Variants in LRRC75A observed in about 807,000 individuals in gnomAD.
The protein encoded by LRRC75A is leucine-rich repeat-containing protein 75A.
A neutral mutation model predicts 26.0 loss-of-function variants in LRRC75A; 12 were observed. That is an observed-to-expected ratio of 0.46 (90% CI 0.30 to 0.75). The LOEUF (loss-of-function observed/expected upper bound fraction) is 0.75. LRRC75A is among the 30% of genes least tolerant of loss of function. The probability of loss-of-function intolerance (pLI) is 0.08; values close to 1 mark genes in which losing one functional copy is unlikely to be tolerated. For synonymous variants in LRRC75A, 223 were observed against 219.3 expected, an observed-to-expected ratio of 1.02 and a Z score of -0.15; for missense variants, 410 against 486.6, an observed-to-expected ratio of 0.84 and a Z score of 1.48.
intron 1 of LRRC75A, among the ~76,000 whole-genome samples, chr17:16,476,995 C>T (rs926085116): frequency 1.3e-5 from 2 of 151,658 alleles, no homozygotes; most frequent in Non-Finnish European, 2.9e-5. Flanking sequence ...GCCTTGGCCT[C>T]CCAAAGTGCT....
chr17:16,474,318 A>T (rs2143362402), intron 1 of LRRC75A, among the ~76,000 whole-genome samples: 1 of 152,354 alleles, frequency 6.6e-6, no homozygotes, highest in Non-Finnish European at 1.5e-5. Flanking sequence ...AGGGACTTGG[A>T]CCAAATAGGT....
At position 16,443,612 on chromosome 17, in the gene LRRC75A, C is replaced by G. The variant is rs1349362782; in HGVS notation, c.1011G>C (p.Glu337Asp). 1 of 1,537,216 alleles carries G rather than the reference C, an allele frequency of 6.5e-7. No homozygotes were observed. The highest frequency in any genetic ancestry group is 2.0e-5 in the Admixed American group (1 of 50,546). Residue 337 changes from glutamate to aspartate, a missense_variant, in exon 4 of 4, where the codon GAG becomes GAC. Transcript: ENST00000470794. ...APAEDHHEGK[E>D]TVAAAQT ...GTCACGTCTGAGCTGCAGCTACAGT[C>G]TCCTTGCCCTCATGGTGGTCTTCGG...
rs771329081 is a variant in LRRC75A at position 16,444,169 on chromosome 17, G to C, written c.492-38C>G. On this transcript the variant is annotated intron_variant, in intron 3 of 3. Transcript: ENST00000470794. ...AGGACAAACAAGGCTCAGGCACATA[G>C]GGCAGGCCTTTCCCCCAGAAGCTGC... The C allele has an allele frequency of 8.0e-6, 12 of 1,501,696 alleles. No homozygotes were observed. In the East Asian group the frequency reaches 2.3e-4, roughly 29 times the overall value. 93.0% of individuals were successfully genotyped at this position (1,501,696 alleles called of 1,614,324 possible).
chr17:16,490,672 C>G (rs982414394), intron 1 of LRRC75A, among the ~76,000 whole-genome samples: 1 of 152,142 alleles, frequency 6.6e-6, no homozygotes, highest in Non-Finnish European at 1.5e-5. Context: ...TTTGGAAGCT[C>G]CTCCCAAGAA....
intron 1 of LRRC75A, among the ~76,000 whole-genome samples, chr17:16,489,472 C>T (rs2093853104): frequency 6.6e-6 from 1 of 152,202 alleles, no homozygotes; most frequent in African/African-American, 2.4e-5. Context: ...AAGGCTCTCA[C>T]TAGCTGCTCA....
At chr17:16,444,220 G>C in intron 3 of LRRC75A, 89 bp from the exon 4 acceptor site, 1 of 1,082,028 alleles carries the variant, frequency 9.2e-7, no homozygotes, top group Non-Finnish European at 1.3e-6. Context: ...TCGGCTCTCC[G>C]ACGCTAGGGA....
At chr17:16,474,221 G>A (rs1219445753) in intron 1 of LRRC75A, among the ~76,000 whole-genome samples, 1 of 152,146 alleles carries the variant, frequency 6.6e-6, no homozygotes, top group Non-Finnish European at 1.5e-5. Context: ...CCCTGGGCAA[G>A]CCACCCTCCT....
At chr17:16,489,389 CCT>C (rs1245781468) in intron 1 of LRRC75A, among the ~76,000 whole-genome samples, 32 of 152,288 alleles carry the variant, frequency 2.1e-4, no homozygotes, top group Admixed American at 7.8e-4. Flanking sequence ...TTTGCAGACC[CCT>C]GTCTTTACTG....
At chr17:16,456,092 G>GAAGAGA (rs2093675175) in intron 2 of LRRC75A, among the ~76,000 whole-genome samples, 1 of 146,934 alleles carries the variant, frequency 6.8e-6, no homozygotes, top group African/African-American at 2.6e-5. Context: ...AGAGGAGGAG[G>GAAGAGA]AGGAAGGGGA....
intron 1 of LRRC75A, among the ~76,000 whole-genome samples, chr17:16,484,963 T>TA (rs56383905): frequency 0.058 from 7,127 of 123,928 alleles, 287 homozygotes; most frequent in East Asian, 0.24. Context: ...TAATAAAAGT[T>TA]AAAAAAAAAA....
At chr17:16,454,686 C>T (rs942430513) in intron 2 of LRRC75A, among the ~76,000 whole-genome samples, 9 of 151,846 alleles carry the variant, frequency 5.9e-5, no homozygotes, top group Non-Finnish European at 1.0e-4. Flanking sequence ...AGCAAAATTC[C>T]GTTTTAAAAT....
Position 16,462,208 on chromosome 17 carries a change from A to G in LRRC75A, c.375+50T>C. On this transcript the variant is annotated intron_variant, in intron 2 of 3. Coordinates refer to ENST00000470794, the MANE Select transcript of LRRC75A (RefSeq NM_001113567.3). This position sits in a 1 kb window ranked among gnomAD's most constrained non-coding sequence, Gnocchi z 4.6. The stretch of plus-strand genomic sequence containing the variant: ...ATACAGCTGCTCTGCCCAGAAAGGC[A>G]CCCACCGCACACCCCGGGACCTGGC... 1 of 1,608,148 alleles carries G rather than the reference A, an allele frequency of 6.2e-7. No homozygotes were observed. Among genetic ancestry groups the G allele is most frequent in the Non-Finnish European group, 8.5e-7 (1 of 1,176,884 alleles).
chr17:16,456,480 GGAGGAGGAA>G (rs1229390322), intron 2 of LRRC75A, among the ~76,000 whole-genome samples: 6 of 64,936 alleles, frequency 9.2e-5, no homozygotes, highest in Non-Finnish European at 1.5e-4. Context: ...AGAAAGAAGA[GGAGGAGGAA>G]GAGGAAGAGG....
At position 16,443,780 on chromosome 17, in the gene LRRC75A, G is replaced by A. The variant is rs564861595; in HGVS notation, c.843C>T (p.Phe281=). ...NVDIFSLPQP[F]LLSLRKRSPK... ...GGGAGCGCTTGCGCAGGCTGAGCAGGAAGGGCTGGGGCAAGGAGAAGATGT... is the reference window on the plus strand; with the variant it reads ...GGGAGCGCTTGCGCAGGCTGAGCAGAAAGGGCTGGGGCAAGGAGAAGATGT... The change falls in exon 4 of 4, where the codon TTC becomes TTT. Residue 281 remains phenylalanine (F), a synonymous_variant. Coordinates refer to ENST00000470794, the MANE Select transcript of LRRC75A (RefSeq NM_001113567.3). 6.3e-5 allele frequency: 101 copies of A among 1,613,832 alleles called. 1 individual carries two copies. The Middle Eastern group carries it at 9.9e-4, about 16-fold the overall frequency.
rs2093550167 is a variant in LRRC75A, at chr17:16,443,321, G to A, written c.*267C>T. 2.2e-6 allele frequency: 1 copy of A among 453,128 alleles called. No individual in the cohort carries two copies. The highest frequency in any genetic ancestry group is 5.0e-5 in the South Asian group (1 of 19,892). 28.1% of individuals were successfully genotyped at this position (453,128 alleles called of 1,614,324 possible). On this transcript the variant is annotated 3_prime_UTR_variant, in exon 4 of 4. Transcript: ENST00000470794. Reference sequence around the variant, plus strand: ...CACAAGTCTTTGGGGAAGGCCATGAGCTGAGCTGAGAGGGTTCTCTGGGGC... The same window carrying A: ...CACAAGTCTTTGGGGAAGGCCATGAACTGAGCTGAGAGGGTTCTCTGGGGC...
chr17:16,451,562 C>G (rs1162796613), intron 2 of LRRC75A, among the ~76,000 whole-genome samples: 1 of 150,068 alleles, frequency 6.7e-6, no homozygotes, highest in Non-Finnish European at 1.5e-5. Flanking sequence ...GCGGAGGTTA[C>G]AGTGAGCCGA....
intron 1 of LRRC75A, among the ~76,000 whole-genome samples, chr17:16,475,930 T>C (rs928514001): frequency 1.3e-5 from 2 of 151,998 alleles, no homozygotes; most frequent in African/African-American, 2.4e-5. Flanking sequence ...TGGTGGCTCA[T>C]GCCTGTAATC....
At chr17:16,467,939 T>C (rs906455975) in intron 1 of LRRC75A, among the ~76,000 whole-genome samples, 2 of 151,298 alleles carry the variant, frequency 1.3e-5, no homozygotes, top group African/African-American at 2.5e-5. Flanking sequence ...TACTCCAACA[T>C]CCCCCACTTT....
At chr17:16,446,400 T>C (rs1206750994) in intron 3 of LRRC75A, among the ~76,000 whole-genome samples, 1 of 152,004 alleles carries the variant, frequency 6.6e-6, no homozygotes, top group Non-Finnish European at 1.5e-5. Flanking sequence ...CAGGAGAAGG[T>C]AGCGTGTGGA....
Sources: gnomAD v4.1 joint callset for allele counts (sites outside exome capture counted in the v4.1 genomes callset) on GRCh38, gnomAD v4.1.1 for gene constraint, Gnocchi (gnomAD v3.1) non-coding constraint, MANE v1.5 for transcripts, NCBI Gene and HGNC (gene_info 2026-07-23, HGNC 2026-07-21) for gene names.